CHD9: variants seen among roughly 807,000 people sequenced by gnomAD.
CHD9 encodes the protein ATP-dependent chromatin remodeler CHD9.
Under a neutral mutation model 316.1 loss-of-function variants are expected in CHD9, and 77 were observed. That is an observed-to-expected ratio of 0.24 (90% CI 0.20 to 0.29). The LOEUF (loss-of-function observed/expected upper bound fraction) is 0.29. Among genes scored for constraint, CHD9 ranks in the 10% least tolerant of loss-of-function variants. CHD9 has a pLI of 1.00. For missense variants in CHD9, 2,763 were observed against 3,438.1 expected (o/e 0.80, Z 4.91); for synonymous variants, 1,129 against 1,158.3 (o/e 0.97, Z 0.51).
At chr16:53,153,194 A>G (rs1379089281) in intron 1 of CHD9, among the ~76,000 whole-genome samples, 2 of 152,238 alleles carry the variant, frequency 1.3e-5, no homozygotes, top group East Asian at 3.8e-4. Flanking sequence ...AGTAAATTGA[A>G]GACAATAAAC....
chr16:53,264,780 C>T (rs1192082436), intron 20 of CHD9, among the ~76,000 whole-genome samples: 2 of 152,022 alleles, frequency 1.3e-5, no homozygotes, highest in Non-Finnish European at 2.9e-5. Flanking sequence ...TCAGGAAAAG[C>T]TTTGAGGCAG....
chr16:53,190,109 T>C lies in CHD9; in HGVS notation c.1453-19373T>C, dbSNP rs141846407. On this transcript the variant is annotated intron_variant, in intron 2 of 38. Transcript: ENST00000447540. ...GTCCACATTGGTCCCCAAATTATTCTTAATATCACCTTTCCCATTGAAGAG... is the reference window on the plus strand; with the variant it reads ...GTCCACATTGGTCCCCAAATTATTCCTAATATCACCTTTCCCATTGAAGAG... Among the ~76,000 whole-genome samples the C allele has an allele frequency of 1.0e-3, 154 of 152,272 alleles. 1 individual carries two copies. The East Asian group carries it at 0.019, about 19-fold the overall frequency.
chr16:53,073,833 T>C (rs537237407), intron 1 of CHD9, among the ~76,000 whole-genome samples: 6 of 152,360 alleles, frequency 3.9e-5, no homozygotes, highest in African/African-American at 1.4e-4. Context: ...TAGTCTCATG[T>C]ATGTCTTTAT....
chr16:53,269,997 G>A (rs1191550442), intron 22 of CHD9, among the ~76,000 whole-genome samples: 2 of 151,812 alleles, frequency 1.3e-5, no homozygotes, highest in African/African-American at 4.8e-5. Context: ...TGGGGTCTGG[G>A]GACTTTATTT....
chr16:53,266,340 G>A (rs1021178166), intron 20 of CHD9, among the ~76,000 whole-genome samples: 1 of 152,088 alleles, frequency 6.6e-6, no homozygotes, highest in East Asian at 1.9e-4. Flanking sequence ...TGGCATACCA[G>A]GACCTTTATG....
intron 2 of CHD9, among the ~76,000 whole-genome samples, chr16:53,192,392 A>G (rs1223435972): frequency 1.3e-5 from 2 of 152,216 alleles, no homozygotes; most frequent in African/African-American, 2.4e-5. Flanking sequence ...AAAGGAATAA[A>G]TATCAAGATA....
At chr16:53,236,297 A>C (rs1369339090) in intron 11 of CHD9, among the ~76,000 whole-genome samples, 1 of 152,066 alleles carries the variant, frequency 6.6e-6, no homozygotes, top group Non-Finnish European at 1.5e-5. Flanking sequence ...TGACTGCTTC[A>C]TAGAGAAACC....
At chr16:53,161,567 A>T (rs2041915937) in intron 2 of CHD9, among the ~76,000 whole-genome samples, 1 of 152,220 alleles carries the variant, frequency 6.6e-6, no homozygotes. Context: ...TAACAGATTT[A>T]AACATAATGA....
At chr16:53,172,623 A>G (rs989261274) in intron 2 of CHD9, among the ~76,000 whole-genome samples, 2 of 152,146 alleles carry the variant, frequency 1.3e-5, no homozygotes, top group African/African-American at 2.4e-5. Context: ...ACCATTTTAC[A>G]TTTCCTCTAA....
At chr16:53,187,191 G>A (rs1245140134) in intron 2 of CHD9, among the ~76,000 whole-genome samples, 3 of 152,172 alleles carry the variant, frequency 2.0e-5, no homozygotes, top group Admixed American at 2.0e-4. Flanking sequence ...GAAGCTATGA[G>A]ACAAGATAAT....
intron 1 of CHD9, among the ~76,000 whole-genome samples, chr16:53,078,309 A>G (rs555116573): frequency 6.6e-6 from 1 of 152,242 alleles, no homozygotes; most frequent in South Asian, 2.1e-4. Flanking sequence ...GGCCTCTTGA[A>G]TTGATTCATG....
At chr16:53,104,995 A>AAC (rs1555484093) in intron 1 of CHD9, among the ~76,000 whole-genome samples, 16 of 151,138 alleles carry the variant, frequency 1.1e-4, no homozygotes, top group Non-Finnish European at 2.1e-4. Flanking sequence ...TTAAAAAAAA[A>AAC]CAAAAAAACA....
chr16:53,085,822 C>G (rs1160255781), intron 1 of CHD9, among the ~76,000 whole-genome samples: 1 of 152,174 alleles, frequency 6.6e-6, no homozygotes, highest in African/African-American at 2.4e-5. Flanking sequence ...GCTCCTCTTG[C>G]CTGGTAAGCT....
At position 53,245,449 on chromosome 16, in the gene CHD9, A is replaced by G. The variant is rs953179305; in HGVS notation, c.3168A>G (p.Gln1056=). 13 of 1,603,056 alleles carry G rather than the reference A, an allele frequency of 8.1e-6. No homozygotes were observed. In the South Asian group the frequency reaches 1.1e-4, roughly 14 times the overall value. The change falls in exon 14 of 39, where the codon CAA becomes CAG. Residue 1056 remains glutamine, a synonymous_variant. Coordinates refer to ENST00000447540, the MANE Select transcript of CHD9 (RefSeq NM_001308319.2). The surrounding 1 kb of genome is among the most constrained non-coding windows in gnomAD (Gnocchi z 4.1). ...LRFPSESTFM[Q]EFGDLKTEEQ... is the part of the protein sequence containing the mutation. ...TTCCTTCTGAATCAACATTTATGCAAGAATTTGGGGATCTGAAAACAGAGG... is the reference window on the plus strand; with the variant it reads ...TTCCTTCTGAATCAACATTTATGCAGGAATTTGGGGATCTGAAAACAGAGG...
intron 8 of CHD9, 26 bp downstream of exon 8, chr16:53,229,126 T>G (rs781753999): frequency 8.2e-7 from 1 of 1,214,076 alleles, no homozygotes; most frequent in Non-Finnish European, 1.2e-6. Context: ...ATAAGACTAT[T>G]ATGTGTTGGT....
In CHD9 at chr16:53,242,899, T is replaced by A. The variant is rs1567545915; in HGVS notation, c.2937T>A (p.Ile979=). ...FQAIITTFEM[I]LGGCGELNAI... Reference sequence around the variant, plus strand: ...CCATCATCACCACTTTTGAAATGATTCTTGGAGGCTGTGGAGAGCTTAATG... The same window carrying A: ...CCATCATCACCACTTTTGAAATGATACTTGGAGGCTGTGGAGAGCTTAATG... Residue 979 remains isoleucine, a synonymous_variant, in exon 13 of 39, where the codon ATT becomes ATA. Coordinates refer to ENST00000447540, the MANE Select transcript of CHD9 (RefSeq NM_001308319.2). The A allele has an allele frequency of 6.2e-7, 1 of 1,613,552 alleles. No homozygotes were observed.
intron 2 of CHD9, among the ~76,000 whole-genome samples, chr16:53,165,896 A>G (rs148296999): frequency 3.3e-5 from 5 of 152,160 alleles, no homozygotes; most frequent in African/African-American, 9.6e-5. Context: ...TAAAATATTT[A>G]GATTGTCTCC....
At chr16:53,115,939 A>G (rs1440978015) in intron 1 of CHD9, among the ~76,000 whole-genome samples, 1 of 152,210 alleles carries the variant, frequency 6.6e-6, no homozygotes, top group East Asian at 1.9e-4. Context: ...GGCAGAGGGA[A>G]GAGAAGGTGA....
chr16:53,129,743 A>C (rs1276595677), intron 1 of CHD9, among the ~76,000 whole-genome samples: 1 of 152,212 alleles, frequency 6.6e-6, no homozygotes, highest in Admixed American at 6.5e-5. Context: ...TCAAACATTT[A>C]ATTCTTTTGT....
Sources: gnomAD v4.1 joint callset for allele counts (sites outside exome capture counted in the v4.1 genomes callset) on GRCh38, gnomAD v4.1.1 for gene constraint, Gnocchi (gnomAD v3.1) non-coding constraint, MANE v1.5 for transcripts, NCBI Gene and HGNC (gene_info 2026-07-23, HGNC 2026-07-21) for gene names.